The following IGF2BP2 variants were observed in gnomAD, a reference collection of about 807,000 sequenced individuals.
The protein encoded by IGF2BP2 is insulin like growth factor 2 mRNA binding protein 2, also known as insulin-like growth factor 2 mRNA-binding protein 2.
In IGF2BP2, 17 loss-of-function variants were observed where a neutral mutation model predicts 75.8. The ratio of observed to expected loss-of-function variants is 0.22; its 90% CI spans 0.15 to 0.34. The LOEUF is 0.34. Among genes scored for constraint, IGF2BP2 ranks in the 10% least tolerant of loss-of-function variants. IGF2BP2 has a pLI of 1.00. For synonymous variants in IGF2BP2, 288 were observed against 295.6 expected (o/e 0.97, Z 0.26); for missense variants, 516 against 772.4 (o/e 0.67, Z 3.93).
intron 2 of IGF2BP2, among the ~76,000 whole-genome samples, chr3:185,749,973 A>C (rs367584475): frequency 3.9e-5 from 6 of 152,248 alleles, no homozygotes; most frequent in East Asian, 1.9e-4. Context: ...GCAAGAATAG[A>C]AGCTCTTTGT....
At chr3:185,811,116 A>T (rs558558428) in intron 2 of IGF2BP2, among the ~76,000 whole-genome samples, 6 of 152,300 alleles carry the variant, frequency 3.9e-5, no homozygotes, top group Admixed American at 3.9e-4. Context: ...TAACAGAAAC[A>T]CAATAAGATC....
intron 2 of IGF2BP2, among the ~76,000 whole-genome samples, chr3:185,778,653 C>A (rs1274659933): frequency 6.6e-6 from 1 of 152,184 alleles, no homozygotes; most frequent in Non-Finnish European, 1.5e-5. Flanking sequence ...AATCTGGACA[C>A]CTGGTTCTAC....
In IGF2BP2 at chr3:185,811,830, G is replaced by GTCTCTCTCTCTCTCTC. The variant is rs58208457; in HGVS notation, c.239+11307_239+11322dup. On this transcript the variant is annotated intron_variant, in intron 2 of 15. Coordinates refer to ENST00000382199, the MANE Select transcript of IGF2BP2 (RefSeq NM_006548.6). ...CAGGGGACGGTGCTCAGAGTAGGGTGTCTCTCTCTCTCTCTCTCTCTCTCT... is the reference window on the plus strand; with the variant it reads ...CAGGGGACGGTGCTCAGAGTAGGGTGTCTCTCTCTCTCTCTCTCTCTCTCTCTCTCTCTCTCTCTCT... Among the ~76,000 whole-genome samples, 367 of 120,718 alleles carry GTCTCTCTCTCTCTCTC rather than the reference G, an allele frequency of 3.0e-3. 9 individuals are homozygous for GTCTCTCTCTCTCTCTC. Among genetic ancestry groups the GTCTCTCTCTCTCTCTC allele is most frequent in the Non-Finnish European group, 5.1e-3 (289 of 56,900 alleles). 79.2% of individuals were successfully genotyped at this position (120,718 alleles called of 152,430 possible). A position where few individuals can be genotyped will look rare whatever the true frequency, so the allele number is the denominator to read the frequency against.
intron 2 of IGF2BP2, among the ~76,000 whole-genome samples, chr3:185,742,118 G>A (rs577855542): frequency 6.6e-6 from 1 of 150,460 alleles, no homozygotes; most frequent in East Asian, 1.9e-4. Context: ...AATAATAAAT[G>A]ATAAATTTTT....
rs1297777617 is a variant in IGF2BP2 at position 185,811,857 on chromosome 3, TCTCTCTCTCTCTCTCTCTCTCC to T, written c.239+11274_239+11295del. Among the ~76,000 whole-genome samples the T allele has an allele frequency of 1.9e-3, 239 of 124,118 alleles. 2 individuals are homozygous for T. Among genetic ancestry groups the T allele is most frequent in the African/African-American group, 9.6e-3 (209 of 21,880 alleles). 81.4% of individuals were successfully genotyped at this position (124,118 alleles called of 152,430 possible). A position where few individuals can be genotyped will look rare whatever the true frequency, so the allele number is the denominator to read the frequency against. Reference sequence around the variant, plus strand: ...CTCTCTCTCTCTCTCTCTCTCTCTCTCTCTCTCTCTCTCTCTCTCTCCCCCTCTCCCTGCCTGGGCATCAGAA... The same window carrying T: ...CTCTCTCTCTCTCTCTCTCTCTCTCTCCCTCTCCCTGCCTGGGCATCAGAA... On this transcript the variant is annotated intron_variant, in intron 2 of 15. Coordinates refer to ENST00000382199, the MANE Select transcript of IGF2BP2 (RefSeq NM_006548.6).
intron 7 of IGF2BP2, among the ~76,000 whole-genome samples, chr3:185,678,852 ATTG>A (rs1719942522): frequency 6.6e-6 from 1 of 152,104 alleles, no homozygotes; most frequent in African/African-American, 2.4e-5. Flanking sequence ...TCCTTGGTGA[ATTG>A]TTCCTTTAAC....
chr3:185,786,432 T>G (rs1735899180), intron 2 of IGF2BP2, among the ~76,000 whole-genome samples: 1 of 152,206 alleles, frequency 6.6e-6, no homozygotes, highest in African/African-American at 2.4e-5. Flanking sequence ...CCTTCACTGA[T>G]GACATTCCAC....
chr3:185,730,428 C>CTTTTTTTTTTTTTTT (rs71632076), intron 2 of IGF2BP2, among the ~76,000 whole-genome samples: 1 of 96,764 alleles, frequency 1.0e-5, no homozygotes, highest in Non-Finnish European at 2.0e-5. Context: ...GCGCAGGTGT[C>CTTTTTTTTTTTTTTT]TTTTTTTTTT....
chr3:185,703,773 A>G (rs901353149), intron 2 of IGF2BP2, among the ~76,000 whole-genome samples: 1 of 152,060 alleles, frequency 6.6e-6, no homozygotes, highest in Non-Finnish European at 1.5e-5. Context: ...AAACTGTCTC[A>G]AAAGAAAGAA....
intron 2 of IGF2BP2, among the ~76,000 whole-genome samples, chr3:185,755,378 C>A (rs1454925874): frequency 6.6e-6 from 1 of 152,188 alleles, no homozygotes; most frequent in Non-Finnish European, 1.5e-5. Flanking sequence ...GGCTTGGCAC[C>A]CCCTGCGTAG....
At chr3:185,667,897 GT>G (rs1309019890) in intron 10 of IGF2BP2, among the ~76,000 whole-genome samples, 1 of 152,130 alleles carries the variant, frequency 6.6e-6, no homozygotes, top group Non-Finnish European at 1.5e-5. Flanking sequence ...GTGTTTCTGT[GT>G]CTGCATTTTT....
At chr3:185,753,780 CA>C (rs1327177926) in intron 2 of IGF2BP2, among the ~76,000 whole-genome samples, 1 of 152,104 alleles carries the variant, frequency 6.6e-6, no homozygotes, top group Non-Finnish European at 1.5e-5. Flanking sequence ...ATGTGATTCC[CA>C]ATGTTGGAGG....
In IGF2BP2 at chr3:185,645,834, A is replaced by G. The variant is rs1174685194; in HGVS notation, c.1708-211T>C. 6.6e-6 allele frequency among the ~76,000 whole-genome samples: 1 copy of G among 151,964 alleles called. No homozygotes were observed. The highest frequency in any genetic ancestry group is 1.9e-4 in the East Asian group (1 of 5,170). On this transcript the variant is annotated intron_variant, in intron 15 of 15. Coordinates refer to ENST00000382199, the MANE Select transcript of IGF2BP2 (RefSeq NM_006548.6). This position sits in a 1 kb window ranked among gnomAD's most constrained non-coding sequence, Gnocchi z 4.9. The stretch of plus-strand genomic sequence containing the variant: ...CCCCTCCACTCCCACCCCAAGGTCC[A>G]GGGTAAGGGGATGGGACTCCGGCAG...
At chr3:185,697,644 C>A (rs1722759281) in intron 3 of IGF2BP2, among the ~76,000 whole-genome samples, 1 of 152,162 alleles carries the variant, frequency 6.6e-6, no homozygotes, top group African/African-American at 2.4e-5. Context: ...ACAAAAAATT[C>A]TGCTAAAACC....
intron 12 of IGF2BP2, among the ~76,000 whole-genome samples, chr3:185,656,696 T>C (rs1053254384): frequency 2.0e-5 from 3 of 152,210 alleles, no homozygotes; most frequent in Non-Finnish European, 4.4e-5. Flanking sequence ...GCTTCTCTGA[T>C]GATTCTCCAC....
intron 2 of IGF2BP2, among the ~76,000 whole-genome samples, chr3:185,748,466 T>C (rs955342054): frequency 3.3e-5 from 5 of 152,244 alleles, no homozygotes; most frequent in Non-Finnish European, 1.5e-5. Context: ...TCAATTTTCT[T>C]TCCCTCCAGT....
intron 2 of IGF2BP2, among the ~76,000 whole-genome samples, chr3:185,702,169 T>A (rs1723399052): frequency 6.6e-6 from 1 of 152,162 alleles, no homozygotes; most frequent in African/African-American, 2.4e-5. Flanking sequence ...AGGTTCCTTG[T>A]TTACTATTCC....
At chr3:185,741,268 T>G (rs1729519019) in intron 2 of IGF2BP2, among the ~76,000 whole-genome samples, 1 of 152,002 alleles carries the variant, frequency 6.6e-6, no homozygotes, top group African/African-American at 2.4e-5. Context: ...GTTCAGCGAG[T>G]TATTGATTTT....
chr3:185,823,345 G>C, intron 1 of IGF2BP2, 132 bp from the exon 2 acceptor site: 1 of 547,464 alleles, frequency 1.8e-6, no homozygotes, highest in South Asian at 3.3e-5. Flanking sequence ...TACCCGGATC[G>C]AGCTGGGCGA....
Sources: gnomAD v4.1 joint callset for allele counts (sites outside exome capture counted in the v4.1 genomes callset) on GRCh38, gnomAD v4.1.1 for gene constraint, Gnocchi (gnomAD v3.1) non-coding constraint, MANE v1.5 for transcripts, NCBI Gene and HGNC (gene_info 2026-07-23, HGNC 2026-07-21) for gene names.